Variants in PDGFC observed in about 807,000 individuals in gnomAD.
PDGFC encodes the protein platelet derived growth factor C, also known as platelet-derived growth factor C.
In PDGFC, 12 loss-of-function variants were observed where a neutral mutation model predicts 35.5. The ratio of observed to expected loss-of-function variants is 0.34; its 90% confidence interval spans 0.22 to 0.55. The LOEUF (loss-of-function observed/expected upper bound fraction) is 0.55. Among genes scored for constraint, PDGFC ranks in the 20% least tolerant of loss-of-function variants. PDGFC has a pLI of 0.91. For synonymous variants in PDGFC, 159 were observed against 148.8 expected (o/e 1.07, Z -0.50); for missense variants, 322 against 412.4 (o/e 0.78, Z 1.90).
rs181252241 is a variant in PDGFC, at chr4:156,917,045, T to C, written c.118+53741A>G. 1.5e-3 allele frequency among the ~76,000 whole-genome samples: 223 copies of C among 152,014 alleles called. 2 individuals are homozygous for C. Among genetic ancestry groups the C allele is most frequent in the East Asian group, 4.3e-3 (22 of 5,164 alleles). ...ATGATCAATTTGATAAAATGAAAAA[T>C]TGCATCCTCAATGTGCAACAGATAG... On this transcript the variant is annotated intron_variant, in intron 1 of 5. Transcript: ENST00000502773.
chr4:156,942,176 C>A (rs567347525), intron 1 of PDGFC, among the ~76,000 whole-genome samples: 1 of 152,040 alleles, frequency 6.6e-6, no homozygotes, highest in African/African-American at 2.4e-5. Flanking sequence ...CATACAGGAT[C>A]GTATTTACAC....
At chr4:156,949,620 G>A (rs920447712) in intron 1 of PDGFC, among the ~76,000 whole-genome samples, 2 of 151,906 alleles carry the variant, frequency 1.3e-5, no homozygotes, top group African/African-American at 4.8e-5. Context: ...GAGGAGAATT[G>A]TTTGGGGAGG....
chr4:156,910,055 T>G (rs1731003927), intron 1 of PDGFC, among the ~76,000 whole-genome samples: 1 of 152,132 alleles, frequency 6.6e-6, no homozygotes, highest in Non-Finnish European at 1.5e-5. Flanking sequence ...AAATTTTTCC[T>G]CAAACTGTGC....
At chr4:156,970,227 G>A (rs575393675) in intron 1 of PDGFC, among the ~76,000 whole-genome samples, 1 of 152,150 alleles carries the variant, frequency 6.6e-6, no homozygotes, top group Admixed American at 6.5e-5. Context: ...GAGTACAAAG[G>A]CAAGTTTAAA....
chr4:156,879,062 T>C (rs756594215), intron 1 of PDGFC, among the ~76,000 whole-genome samples: 1 of 152,206 alleles, frequency 6.6e-6, no homozygotes, highest in Non-Finnish European at 1.5e-5. Flanking sequence ...GTCTGAAAGG[T>C]AGGTACTGTC....
chr4:156,848,093 A>T (rs1355669005), intron 2 of PDGFC, among the ~76,000 whole-genome samples: 2 of 151,902 alleles, frequency 1.3e-5, no homozygotes, highest in Non-Finnish European at 2.9e-5. Flanking sequence ...AGCCAAACAG[A>T]TCAATACAAA....
At chr4:156,789,638 T>C (rs1172627334) in intron 3 of PDGFC, among the ~76,000 whole-genome samples, 1 of 152,094 alleles carries the variant, frequency 6.6e-6, no homozygotes, top group African/African-American at 2.4e-5. Context: ...GCTGAGGATA[T>C]ATAATCTGAA....
intron 3 of PDGFC, among the ~76,000 whole-genome samples, chr4:156,801,486 A>C (rs1046787456): frequency 2.6e-5 from 4 of 152,198 alleles, no homozygotes; most frequent in Non-Finnish European, 5.9e-5. Context: ...GCATATAAAA[A>C]GTAAACACAA....
At chr4:156,927,597 A>C (rs1163991530) in intron 1 of PDGFC, among the ~76,000 whole-genome samples, 1 of 152,150 alleles carries the variant, frequency 6.6e-6, no homozygotes, top group African/African-American at 2.4e-5. Context: ...CTGCCAAAAC[A>C]TAACAAGAGT....
chr4:156,873,009 A>T (rs1437450218), intron 1 of PDGFC, among the ~76,000 whole-genome samples: 4 of 152,140 alleles, frequency 2.6e-5, no homozygotes, highest in Non-Finnish European at 5.9e-5. Flanking sequence ...GTACACCTGT[A>T]GTCCCAGCTA....
chr4:156,851,746 A>G (rs1031874471), intron 1 of PDGFC, among the ~76,000 whole-genome samples: 1 of 151,910 alleles, frequency 6.6e-6, no homozygotes, highest in African/African-American at 2.4e-5. Flanking sequence ...GATCGAGACC[A>G]CGGTGAAATC....
At chr4:156,806,189 A>T (rs1164188037) in intron 3 of PDGFC, among the ~76,000 whole-genome samples, 2 of 152,094 alleles carry the variant, frequency 1.3e-5, no homozygotes, top group African/African-American at 4.8e-5. Flanking sequence ...TCAGGCGGCA[A>T]CTTAAAGGAA....
At chr4:156,826,771 AC>A (rs1728767712) in intron 2 of PDGFC, among the ~76,000 whole-genome samples, 2 of 152,186 alleles carry the variant, frequency 1.3e-5, no homozygotes, top group Admixed American at 1.3e-4. Context: ...CATGACTTCA[AC>A]CCTGATTTTA....
At chr4:156,881,362 T>A (rs1295609932) in intron 1 of PDGFC, among the ~76,000 whole-genome samples, 4 of 152,196 alleles carry the variant, frequency 2.6e-5, no homozygotes, top group Non-Finnish European at 5.9e-5. Context: ...GGTACAAATG[T>A]AATTTTTATC....
chr4:156,933,095 C>G (rs1447054140), intron 1 of PDGFC, among the ~76,000 whole-genome samples: 3 of 151,454 alleles, frequency 2.0e-5, no homozygotes, highest in Non-Finnish European at 4.4e-5. Context: ...GGTTGCCTCA[C>G]CTGTACAAGA....
chr4:156,908,369 C>T (rs1446142432), intron 1 of PDGFC, among the ~76,000 whole-genome samples: 1 of 151,878 alleles, frequency 6.6e-6, no homozygotes, highest in Non-Finnish European at 1.5e-5. Flanking sequence ...AATTTACCTC[C>T]TTTATTTATG....
At chr4:156,846,293 A>G (rs1206882255) in intron 2 of PDGFC, among the ~76,000 whole-genome samples, 1 of 151,862 alleles carries the variant, frequency 6.6e-6, no homozygotes, top group Admixed American at 6.6e-5. Flanking sequence ...TGATAATGCA[A>G]GAAAGTGACA....
intron 2 of PDGFC, among the ~76,000 whole-genome samples, chr4:156,813,688 G>T (rs1732002620): frequency 6.6e-6 from 1 of 152,096 alleles, no homozygotes; most frequent in Admixed American, 6.6e-5. Context: ...TGAGGTCTTG[G>T]TATTGCATGG....
intron 1 of PDGFC, among the ~76,000 whole-genome samples, chr4:156,851,230 A>T (rs1177217663): frequency 6.6e-6 from 1 of 152,204 alleles, no homozygotes; most frequent in Admixed American, 6.5e-5. Context: ...AGCAAGATCA[A>T]AATAATGGTC....
Sources: gnomAD v4.1 joint callset for allele counts (sites outside exome capture counted in the v4.1 genomes callset) on GRCh38, gnomAD v4.1.1 for gene constraint, MANE v1.5 for transcripts, NCBI Gene and HGNC (gene_info 2026-07-23, HGNC 2026-07-21) for gene names.